Variants in FAM240B observed in about 807,000 individuals in gnomAD.
FAM240B encodes the protein family with sequence similarity 240 member B, also known as protein FAM240B.
chr9:38,705,146 C>T (rs1356399146), intron 1 of FAM240B, among the ~76,000 whole-genome samples: 1 of 152,224 alleles, frequency 6.6e-6, no homozygotes, highest in African/African-American at 2.4e-5. Flanking sequence ...GCTGGCAGCT[C>T]CTGCTCAGAG....
intron 1 of FAM240B, among the ~76,000 whole-genome samples, chr9:38,717,265 C>T (rs570761028): frequency 1.3e-5 from 2 of 151,996 alleles, no homozygotes; most frequent in African/African-American, 4.8e-5. Flanking sequence ...AGAAAATCCC[C>T]AGCATAATTT....
intron 2 of FAM240B, among the ~76,000 whole-genome samples, chr9:38,703,320 C>A (rs779275178): frequency 6.6e-6 from 1 of 152,180 alleles, no homozygotes; most frequent in African/African-American, 2.4e-5. Context: ...CCAGACCAAC[C>A]GATCTCAAGT....
chr9:38,710,725 C>T (rs10814741), intron 1 of FAM240B, among the ~76,000 whole-genome samples: 36,152 of 152,180 alleles, frequency 0.24, 5,268 homozygotes, highest in Admixed American at 0.32. Context: ...TCTTTGCCTA[C>T]TGGCTGGTGG....
intron 1 of FAM240B, among the ~76,000 whole-genome samples, chr9:38,709,005 C>G (rs1244445565): frequency 6.6e-6 from 1 of 151,946 alleles, no homozygotes; most frequent in Non-Finnish European, 1.5e-5. Flanking sequence ...TGAGTTTCAC[C>G]CTTACATCAC....
At chr9:38,717,045 G>A (rs566182983) in intron 1 of FAM240B, among the ~76,000 whole-genome samples, 6 of 152,252 alleles carry the variant, frequency 3.9e-5, no homozygotes, top group South Asian at 4.2e-4. Flanking sequence ...AACAGCCCCC[G>A]GAGGACGCAG....
intron 1 of FAM240B, among the ~76,000 whole-genome samples, chr9:38,711,341 C>T (rs1342658853): frequency 2.6e-5 from 4 of 152,218 alleles, no homozygotes; most frequent in Admixed American, 2.6e-4. Context: ...TCCATTTCCA[C>T]TCAGGTGGTC....
In FAM240B at chr9:38,712,400, A is replaced by G. The variant is rs550282331; in HGVS notation, c.-4+7622T>C. Among the ~76,000 whole-genome samples the G allele has an allele frequency of 3.9e-4, 60 of 152,372 alleles. No individual in the cohort carries two copies. In the South Asian group the frequency reaches 0.01, roughly 26 times the overall value. On this transcript the variant is annotated intron_variant, in intron 1 of 2. Transcript: ENST00000637493. Reference sequence around the variant, plus strand: ...GAGCATGAAAAGTACTTAACATAGTATCTGCTCAATATTAAATGTGTCTCA... The same window carrying G: ...GAGCATGAAAAGTACTTAACATAGTGTCTGCTCAATATTAAATGTGTCTCA...
chr9:38,696,009 C>A (rs1821064771), intron 2 of FAM240B, among the ~76,000 whole-genome samples: 1 of 152,174 alleles, frequency 6.6e-6, no homozygotes, highest in African/African-American at 2.4e-5. Flanking sequence ...GGCTTGGAAT[C>A]TGCTACAGTC....
intron 1 of FAM240B, among the ~76,000 whole-genome samples, chr9:38,708,072 C>T (rs1463373544): frequency 6.6e-6 from 1 of 152,110 alleles, no homozygotes; most frequent in African/African-American, 2.4e-5. Flanking sequence ...TGCTTCAAGA[C>T]ATGCATTCCA....
At chr9:38,700,841 G>C (rs1221364183) in intron 2 of FAM240B, among the ~76,000 whole-genome samples, 1 of 152,216 alleles carries the variant, frequency 6.6e-6, no homozygotes, top group Admixed American at 6.5e-5. Flanking sequence ...GCCAGATACA[G>C]CATATCAGTT....
intron 1 of FAM240B, among the ~76,000 whole-genome samples, chr9:38,713,103 A>G (rs1014411051): frequency 6.6e-6 from 1 of 152,188 alleles, no homozygotes; most frequent in Non-Finnish European, 1.5e-5. Context: ...TAAATCAAAT[A>G]GGAACCTCAC....
chr9:38,719,011 C>CTCATCTGTG (rs1166977639), intron 1 of FAM240B, among the ~76,000 whole-genome samples: 4 of 152,064 alleles, frequency 2.6e-5, no homozygotes, highest in African/African-American at 4.8e-5. Context: ...GTTTGATCTA[C>CTCATCTGTG]AGGTTCATTG....
chr9:38,712,058 A>G (rs967215459), intron 1 of FAM240B, among the ~76,000 whole-genome samples: 2 of 152,112 alleles, frequency 1.3e-5, no homozygotes. Context: ...TGCCGGCAGT[A>G]TATTTGAGTC....
At chr9:38,719,186 G>T (rs1821344214) in intron 1 of FAM240B, among the ~76,000 whole-genome samples, 1 of 151,962 alleles carries the variant, frequency 6.6e-6, no homozygotes, top group Non-Finnish European at 1.5e-5. Flanking sequence ...TCAATAATTA[G>T]GCTTTAGCAA....
chr9:38,716,711 T>A (rs1222451391), intron 1 of FAM240B, among the ~76,000 whole-genome samples: 1 of 152,236 alleles, frequency 6.6e-6, no homozygotes, highest in African/African-American at 2.4e-5. Context: ...TTCACCAAAC[T>A]GCCAGTCCAG....
chr9:38,702,618 C>A (rs1821143777), intron 2 of FAM240B, among the ~76,000 whole-genome samples: 1 of 152,204 alleles, frequency 6.6e-6, no homozygotes, highest in South Asian at 2.1e-4. Flanking sequence ...GGCATTCAGA[C>A]TGAGGTTGAC....
intron 2 of FAM240B, among the ~76,000 whole-genome samples, chr9:38,699,668 T>C (rs1165822296): frequency 1.3e-5 from 2 of 152,184 alleles, no homozygotes; most frequent in Admixed American, 1.3e-4. Context: ...AGTATGGCTT[T>C]GGCTCATACA....
chr9:38,716,042 C>T (rs988759654), intron 1 of FAM240B, among the ~76,000 whole-genome samples: 1 of 152,160 alleles, frequency 6.6e-6, no homozygotes, highest in Non-Finnish European at 1.5e-5. Flanking sequence ...CACAGAGATG[C>T]TCCTGGGTTT....
At chr9:38,708,195 CTA>C (rs967583230) in intron 1 of FAM240B, among the ~76,000 whole-genome samples, 2 of 152,178 alleles carry the variant, frequency 1.3e-5, no homozygotes, top group Non-Finnish European at 2.9e-5. Flanking sequence ...CAGGTAGAAC[CTA>C]TGTCTTTCTT....
Sources: gnomAD v4.1 joint callset for allele counts (sites outside exome capture counted in the v4.1 genomes callset) on GRCh38, gnomAD v4.1.1 for gene constraint, MANE v1.5 for transcripts, NCBI Gene and HGNC (gene_info 2026-07-23, HGNC 2026-07-21) for gene names.